SOBP: variants seen among roughly 807,000 people sequenced by gnomAD.
SOBP encodes the protein sine oculis binding protein homolog.
SOBP carries 4 observed loss-of-function variants against 53.6 expected under a neutral mutation model. The observed-to-expected ratio is 0.07, with a 90% confidence interval of 0.04 to 0.17. The LOEUF (loss-of-function observed/expected upper bound fraction) is 0.17, where lower values mean the gene tolerates loss of function less well. SOBP is among the 10% of genes least tolerant of loss of function. The pLI is 1.00. For synonymous variants in SOBP, 584 were observed against 522.6 expected (o/e 1.12, Z -1.60); for missense variants, 1,088 against 1,204.7 (o/e 0.90, Z 1.43).
At chr6:107,583,603 A>G (rs1274060390) in intron 4 of SOBP, among the ~76,000 whole-genome samples, 1 of 152,082 alleles carries the variant, frequency 6.6e-6, no homozygotes, top group African/African-American at 2.4e-5. Context: ...ATAGCTCAAC[A>G]TAACCTCGAA....
intron 4 of SOBP, among the ~76,000 whole-genome samples, chr6:107,566,611 G>A (rs980726433): frequency 5.3e-5 from 8 of 152,228 alleles, no homozygotes; most frequent in African/African-American, 1.9e-4. Context: ...TCTGCTCCAT[G>A]TTTTTCTCGC....
chr6:107,655,090 C>T (rs1049511580), intron 6 of SOBP, among the ~76,000 whole-genome samples: 1 of 152,042 alleles, frequency 6.6e-6, no homozygotes, highest in Non-Finnish European at 1.5e-5. Context: ...TAGTAATTTC[C>T]CCTTTGCACA....
chr6:107,506,359 C>T lies in SOBP; in HGVS notation c.353C>T (p.Ser118Leu). ...GGACTCAGTGACTCACCTGCAGGGT[C>T]AAAGGATCATGGCAGTGTGCCCATT... The part of the protein sequence containing the change: ...GNGLSDSPAG[S>L]KDHGSVPIIV... Residue 118 changes from serine (S) to leucine (L), a missense_variant, in exon 3 of 7, where the codon TCA becomes TTA. Physicochemically the swap from Ser to Leu is moderately radical, Grantham distance 145. This residue lies in a region of SOBP where 112 missense variants were observed against 117.9 expected (regional missense o/e 0.95). Coordinates refer to ENST00000317357, the MANE Select transcript of SOBP (RefSeq NM_018013.4). The T allele has an allele frequency of 6.2e-7, 1 of 1,614,200 alleles. No homozygotes were observed. Among genetic ancestry groups the T allele is most frequent in the South Asian group, 1.1e-5 (1 of 91,082 alleles).
At chr6:107,533,271 C>CAAAAAAAAAA (rs762864049) in intron 3 of SOBP, among the ~76,000 whole-genome samples, 188 bp from the exon 4 acceptor site, 1 of 32,812 alleles carries the variant, frequency 3.0e-5, no homozygotes, top group Non-Finnish European at 6.1e-5. Context: ...ACTTAGGAGC[C>CAAAAAAAAAA]AAAAAAAAAA....
intron 5 of SOBP, among the ~76,000 whole-genome samples, chr6:107,627,659 A>C (rs2115131074): frequency 6.6e-6 from 1 of 152,332 alleles, no homozygotes; most frequent in Admixed American, 6.5e-5. Flanking sequence ...AAACAAAAAA[A>C]CCCAAATAAA....
chr6:107,538,058 T>G (rs1286787859), intron 4 of SOBP, among the ~76,000 whole-genome samples: 5 of 152,228 alleles, frequency 3.3e-5, no homozygotes, highest in Admixed American at 3.3e-4. Context: ...TATTGGCATT[T>G]CTTTTACTTT....
chr6:107,632,172 C>A (rs537495215), intron 5 of SOBP, among the ~76,000 whole-genome samples: 2 of 152,174 alleles, frequency 1.3e-5, no homozygotes, highest in South Asian at 2.1e-4. Context: ...GAACAACAGA[C>A]AGCCTCTTCA....
intron 4 of SOBP, among the ~76,000 whole-genome samples, chr6:107,570,163 C>G (rs1785033892): frequency 6.6e-6 from 1 of 152,182 alleles, no homozygotes; most frequent in Non-Finnish European, 1.5e-5. Context: ...ATTTATTGTC[C>G]TTCGTCTCCT....
chr6:107,548,974 A>C (rs1784385544), intron 4 of SOBP, among the ~76,000 whole-genome samples: 1 of 152,000 alleles, frequency 6.6e-6, no homozygotes, highest in South Asian at 2.1e-4. Flanking sequence ...TTGAATTAAA[A>C]ACAGATAAAC....
chr6:107,537,611 A>G (rs1022656190), intron 4 of SOBP, among the ~76,000 whole-genome samples: 1 of 152,154 alleles, frequency 6.6e-6, no homozygotes, highest in Non-Finnish European at 1.5e-5. Context: ...GCTTGAGCCC[A>G]GGAGTTGAAG....
chr6:107,557,521 A>G (rs971980552), intron 4 of SOBP, among the ~76,000 whole-genome samples: 2 of 152,254 alleles, frequency 1.3e-5, no homozygotes, highest in South Asian at 2.1e-4. Flanking sequence ...AAATCAAAGT[A>G]TATCTGATGG....
At chr6:107,615,113 T>C (rs1786737960) in intron 5 of SOBP, among the ~76,000 whole-genome samples, 1 of 152,190 alleles carries the variant, frequency 6.6e-6, no homozygotes, top group Non-Finnish European at 1.5e-5. Flanking sequence ...AGCTGGAGCC[T>C]GCGGCACCCA....
At chr6:107,542,335 G>T (rs1784172547) in intron 4 of SOBP, among the ~76,000 whole-genome samples, 1 of 152,120 alleles carries the variant, frequency 6.6e-6, no homozygotes, top group Non-Finnish European at 1.5e-5. Flanking sequence ...GAGAAACAGA[G>T]GTCCTCAGGC....
intron 3 of SOBP, among the ~76,000 whole-genome samples, chr6:107,510,345 G>C (rs529010730): frequency 6.6e-6 from 1 of 152,292 alleles, no homozygotes; most frequent in Admixed American, 6.5e-5. Flanking sequence ...AAAGAGTCAG[G>C]CTATGGACTT....
chr6:107,629,907 C>T (rs956351012), intron 5 of SOBP, among the ~76,000 whole-genome samples: 6 of 152,200 alleles, frequency 3.9e-5, no homozygotes, highest in African/African-American at 7.2e-5. Flanking sequence ...GAATGGAATA[C>T]GCATTTGTTT....
intron 6 of SOBP, among the ~76,000 whole-genome samples, chr6:107,652,874 T>A (rs1245024664): frequency 6.6e-6 from 1 of 151,798 alleles, no homozygotes; most frequent in African/African-American, 2.4e-5. Flanking sequence ...TTTTTACAAA[T>A]AAAGTATTTT....
intron 5 of SOBP, among the ~76,000 whole-genome samples, chr6:107,613,815 G>C (rs1362420893): frequency 6.6e-6 from 1 of 152,196 alleles, no homozygotes; most frequent in Non-Finnish European, 1.5e-5. Flanking sequence ...GCTTAAAACA[G>C]TATGCCTTTC....
chr6:107,534,453 A>G (rs1399513419), intron 4 of SOBP, among the ~76,000 whole-genome samples: 1 of 152,210 alleles, frequency 6.6e-6, no homozygotes. Flanking sequence ...AGCTTCCTTA[A>G]TTCATAAAAT....
At chr6:107,614,396 G>A (rs1786706074) in intron 5 of SOBP, among the ~76,000 whole-genome samples, 1 of 152,102 alleles carries the variant, frequency 6.6e-6, no homozygotes. Context: ...AAGGACAGTA[G>A]GAGTAACTGA....
Sources: gnomAD v4.1 joint callset for allele counts (sites outside exome capture counted in the v4.1 genomes callset) on GRCh38, gnomAD v4.1.1 for gene constraint, gnomAD v4.1.1 regional missense constraint, MANE v1.5 for transcripts, NCBI Gene and HGNC (gene_info 2026-07-23, HGNC 2026-07-21) for gene names.